The following NEGR1 variants were observed in gnomAD, a reference collection of about 807,000 sequenced individuals.
NEGR1 encodes the protein IgLON family member 4.
NEGR1 carries 10 observed loss-of-function variants against 40.9 expected under a neutral mutation model. The observed-to-expected ratio is 0.24, with a 90% CI of 0.15 to 0.42. NEGR1 has a LOEUF of 0.42. NEGR1 is among the 10% of genes least tolerant of loss of function. The pLI is 1.00. For missense variants in NEGR1, 352 were observed against 438.9 expected (o/e 0.80, Z 1.77); for synonymous variants, 185 against 166.8 (o/e 1.11, Z -0.84).
intron 2 of NEGR1, among the ~76,000 whole-genome samples, chr1:71,918,113 A>G (rs899604897): frequency 6.8e-6 from 1 of 147,852 alleles, no homozygotes; most frequent in Non-Finnish European, 1.5e-5. Context: ...GCTACTCGGG[A>G]GGCTGAGGCA....
chr1:71,546,708 G>A (rs1647908620), intron 6 of NEGR1, among the ~76,000 whole-genome samples: 1 of 151,686 alleles, frequency 6.6e-6, no homozygotes, highest in Non-Finnish European at 1.5e-5. Flanking sequence ...GCCATAGCCA[G>A]AGTTCAAATC....
At chr1:71,584,764 C>T (rs886491645) in intron 6 of NEGR1, among the ~76,000 whole-genome samples, 4 of 152,122 alleles carry the variant, frequency 2.6e-5, no homozygotes, top group Non-Finnish European at 4.4e-5. Flanking sequence ...GAGAAAAGAT[C>T]AGGAAAGTCA....
At chr1:72,005,541 T>C (rs1223456324) in intron 1 of NEGR1, among the ~76,000 whole-genome samples, 1 of 152,230 alleles carries the variant, frequency 6.6e-6, no homozygotes. Context: ...TAATTATACA[T>C]ATCCAGATTT....
rs34098239 is a variant in NEGR1, at chr1:71,994,996, G to GAAAAAAAAAAAAAAAAAAAAAAAAAAAA, written c.177-59686_177-59685insTTTTTTTTTTTTTTTTTTTTTTTTTTTT. ...GAGACCTAAATCTCCAAATTTACAGGAAAAAAAAAAAAAAAAAAAAGCTCT... is the reference window on the plus strand; with the variant it reads ...GAGACCTAAATCTCCAAATTTACAGGAAAAAAAAAAAAAAAAAAAAAAAAAAAAAAAAAAAAAAAAAAAAAAAAGCTCT... On this transcript the variant is annotated intron_variant, in intron 1 of 6. Transcript: ENST00000357731. 2.7e-5 allele frequency among the ~76,000 whole-genome samples: 3 copies of GAAAAAAAAAAAAAAAAAAAAAAAAAAAA among 111,590 alleles called. 1 individual carries two copies. Among genetic ancestry groups the GAAAAAAAAAAAAAAAAAAAAAAAAAAAA allele is most frequent in the Non-Finnish European group, 3.5e-5 (2 of 56,398 alleles). 73.2% of individuals were successfully genotyped at this position (111,590 alleles called of 152,430 possible).
At chr1:72,129,482 C>T (rs1650160819) in intron 1 of NEGR1, among the ~76,000 whole-genome samples, 1 of 152,054 alleles carries the variant, frequency 6.6e-6, no homozygotes, top group Non-Finnish European at 1.5e-5. Flanking sequence ...TATACCAGAG[C>T]TAGTGGGAGT....
chr1:72,121,870 T>C (rs1396632259), intron 1 of NEGR1, among the ~76,000 whole-genome samples: 1 of 151,944 alleles, frequency 6.6e-6, no homozygotes, highest in Non-Finnish European at 1.5e-5. Flanking sequence ...TTTTTTTAAA[T>C]TTATATGACA....
chr1:72,230,999 A>C (rs1160292808), intron 1 of NEGR1, among the ~76,000 whole-genome samples: 1 of 152,106 alleles, frequency 6.6e-6, no homozygotes, highest in Non-Finnish European at 1.5e-5. Context: ...TCATGGAAGG[A>C]CTCCAAAGGT....
rs376910838 is a variant in NEGR1 at position 71,495,230 on chromosome 1, G to A, written c.941-87660C>T. ...GTGGTGGCTCACGCCTATAATCCTAGCACTTTGGGAGGCCAAGGTGGGTGG... is the reference window on the plus strand; with the variant it reads ...GTGGTGGCTCACGCCTATAATCCTAACACTTTGGGAGGCCAAGGTGGGTGG... On this transcript the variant is annotated intron_variant, in intron 6 of 6. Coordinates refer to ENST00000357731, the MANE Select transcript of NEGR1 (RefSeq NM_173808.3). Among the ~76,000 whole-genome samples, 59 of 152,206 alleles carry A rather than the reference G, an allele frequency of 3.9e-4. No individual in the cohort carries two copies. In the South Asian group the frequency reaches 0.011, roughly 28 times the overall value.
At chr1:72,238,817 G>A (rs548231217) in intron 1 of NEGR1, among the ~76,000 whole-genome samples, 1 of 152,010 alleles carries the variant, frequency 6.6e-6, no homozygotes, top group East Asian at 1.9e-4. Context: ...TACAGAAAAT[G>A]CAAAGAAGGC....
intron 6 of NEGR1, among the ~76,000 whole-genome samples, chr1:71,551,036 T>A (rs549413014): frequency 2.4e-4 from 37 of 151,748 alleles, no homozygotes; most frequent in African/African-American, 8.0e-4. Flanking sequence ...CTACATTGTA[T>A]GCTCTTAAGA....
At chr1:71,870,543 A>T (rs528003271) in intron 2 of NEGR1, among the ~76,000 whole-genome samples, 1 of 152,306 alleles carries the variant, frequency 6.6e-6, no homozygotes, top group East Asian at 1.9e-4. Flanking sequence ...TTTATACTTT[A>T]CTTGCACTAC....
At chr1:72,059,583 T>G (rs778278026) in intron 1 of NEGR1, among the ~76,000 whole-genome samples, 1 of 151,652 alleles carries the variant, frequency 6.6e-6, no homozygotes, top group Non-Finnish European at 1.5e-5. Context: ...TATAAACACA[T>G]GGATAACCCT....
At chr1:71,963,589 C>A (rs1646186150) in intron 1 of NEGR1, among the ~76,000 whole-genome samples, 1 of 152,132 alleles carries the variant, frequency 6.6e-6, no homozygotes. Flanking sequence ...AACACTCTCA[C>A]CATTCCTTTG....
At chr1:71,432,373 C>T (rs72674979) in intron 6 of NEGR1, among the ~76,000 whole-genome samples, 28,028 of 152,122 alleles carry the variant, frequency 0.18, 3,546 homozygotes, top group East Asian at 0.58. Context: ...ATAGTTTTTG[C>T]TATGGTTTGG....
rs886709029 is a variant in NEGR1, at chr1:71,638,240, C to T, written c.668-27094G>A. On this transcript the variant is annotated intron_variant, in intron 4 of 6. Coordinates refer to ENST00000357731, the MANE Select transcript of NEGR1 (RefSeq NM_173808.3). ...TTTGAAGCCCCGTGACATCCTTCCA[C>T]GGAGACATCCTGCCCTCCAGTGTGC... Among the ~76,000 whole-genome samples, 34 of 152,046 alleles carry T rather than the reference C, an allele frequency of 2.2e-4. 1 individual carries two copies. Among genetic ancestry groups the T allele is most frequent in the Admixed American group, 1.0e-3 (16 of 15,246 alleles).
intron 3 of NEGR1, among the ~76,000 whole-genome samples, chr1:71,755,229 TG>T (rs1299104943): frequency 3.3e-5 from 5 of 152,238 alleles, no homozygotes; most frequent in Admixed American, 2.0e-4. Flanking sequence ...TCTATCAGTC[TG>T]TTGGTTTTAC....
intron 1 of NEGR1, among the ~76,000 whole-genome samples, chr1:72,243,086 T>C (rs1265679598): frequency 2.0e-5 from 3 of 151,728 alleles, no homozygotes; most frequent in African/African-American, 7.2e-5. Flanking sequence ...TTTAATAACA[T>C]GTTCTAAATC....
At chr1:72,149,874 T>A (rs1570043943) in intron 1 of NEGR1, among the ~76,000 whole-genome samples, 3 of 32,724 alleles carry the variant, frequency 9.2e-5, no homozygotes, top group South Asian at 7.8e-4. Context: ...AGAACAAAAC[T>A]CTGTCAAAAA....
At chr1:71,554,614 G>A (rs565458780) in intron 6 of NEGR1, among the ~76,000 whole-genome samples, 3 of 151,432 alleles carry the variant, frequency 2.0e-5, no homozygotes, top group Non-Finnish European at 4.4e-5. Flanking sequence ...ACACAAGATA[G>A]AATATTAAGT....
Sources: gnomAD v4.1 joint callset for allele counts (sites outside exome capture counted in the v4.1 genomes callset) on GRCh38, gnomAD v4.1.1 for gene constraint, MANE v1.5 for transcripts, NCBI Gene and HGNC (gene_info 2026-07-23, HGNC 2026-07-21) for gene names.